Variants in MYRIP observed in about 807,000 individuals in gnomAD.
The protein encoded by MYRIP is myosin VIIA and Rab interacting protein, also known as rab effector MyRIP.
In MYRIP, 49 loss-of-function variants were observed where a neutral mutation model predicts 98.0. The observed-to-expected ratio is 0.50, with a 90% CI of 0.40 to 0.63. The LOEUF (loss-of-function observed/expected upper bound fraction) is 0.63, where lower values mean the gene tolerates loss of function less well. MYRIP is among the 30% of genes least tolerant of loss of function. The pLI, the probability that MYRIP is intolerant of heterozygous loss-of-function variation, is 0.00. For synonymous variants in MYRIP, 404 were observed against 409.5 expected (o/e 0.99, Z 0.16); for missense variants, 1,004 against 1,058.2 (o/e 0.95, Z 0.71).
At chr3:40,210,415 C>T (rs1951894954) in intron 11 of MYRIP, among the ~76,000 whole-genome samples, 1 of 152,126 alleles carries the variant, frequency 6.6e-6, no homozygotes, top group South Asian at 2.1e-4. Context: ...CCTGCTCCAC[C>T]CTCTCCCTGA....
At chr3:40,236,132 C>A (rs535900594) in intron 12 of MYRIP, among the ~76,000 whole-genome samples, 1 of 152,100 alleles carries the variant, frequency 6.6e-6, no homozygotes, top group Non-Finnish European at 1.5e-5. Context: ...TTTACTGTAC[C>A]GTTTCTATGT....
intron 3 of MYRIP, among the ~76,000 whole-genome samples, chr3:40,123,860 T>TG (rs1004818705): frequency 3.3e-5 from 5 of 152,200 alleles, no homozygotes; most frequent in Non-Finnish European, 5.9e-5. Context: ...CTGGCTCTTC[T>TG]GGCCAGTTCC....
At chr3:39,893,708 G>A (rs923615057) in intron 1 of MYRIP, among the ~76,000 whole-genome samples, 25 of 142,226 alleles carry the variant, frequency 1.8e-4, no homozygotes, top group Non-Finnish European at 3.2e-4. Context: ...ACACACACAC[G>A]CATGCACACA....
chr3:40,007,861 T>C (rs1478086511), intron 2 of MYRIP, among the ~76,000 whole-genome samples: 1 of 152,238 alleles, frequency 6.6e-6, no homozygotes, highest in Non-Finnish European at 1.5e-5. Context: ...AGTCCTTTGA[T>C]TGGATGAGGC....
chr3:40,189,750 G>A, intron 9 of MYRIP, 76 bp from the exon 10 acceptor site: 2 of 1,453,770 alleles, frequency 1.4e-6, no homozygotes, highest in Non-Finnish European at 1.8e-6. Flanking sequence ...TCTTGGGGAG[G>A]TAACAAGTGG....
intron 8 of MYRIP, among the ~76,000 whole-genome samples, chr3:40,178,058 C>T (rs576763595): frequency 2.0e-5 from 3 of 152,310 alleles, no homozygotes; most frequent in Admixed American, 6.5e-5. Flanking sequence ...GTCTCAGTTA[C>T]GTATACATAT....
intron 16 of MYRIP, among the ~76,000 whole-genome samples, chr3:40,254,000 T>C (rs1953483168): frequency 6.6e-6 from 1 of 152,190 alleles, no homozygotes; most frequent in Admixed American, 6.5e-5. Flanking sequence ...CATTAGCCAT[T>C]AATGCTGTGT....
intron 10 of MYRIP, among the ~76,000 whole-genome samples, chr3:40,193,202 A>AG (rs1951290712): frequency 6.6e-6 from 1 of 152,202 alleles, no homozygotes; most frequent in African/African-American, 2.4e-5. Context: ...TGGTGTATCA[A>AG]GGGGGGACTG....
At chr3:39,926,111 T>C (rs980800451) in intron 2 of MYRIP, among the ~76,000 whole-genome samples, 2 of 152,134 alleles carry the variant, frequency 1.3e-5, no homozygotes, top group African/African-American at 4.8e-5. Flanking sequence ...TTTATATGCT[T>C]GTTGGTTGCT....
intron 2 of MYRIP, among the ~76,000 whole-genome samples, chr3:40,019,835 A>T (rs1034984049): frequency 6.6e-6 from 1 of 151,984 alleles, no homozygotes; most frequent in Non-Finnish European, 1.5e-5. Context: ...AATGAGAGAT[A>T]CTCTACTTTG....
At chr3:39,987,204 G>A (rs1180752445) in intron 2 of MYRIP, among the ~76,000 whole-genome samples, 1 of 151,980 alleles carries the variant, frequency 6.6e-6, no homozygotes, top group East Asian at 1.9e-4. Context: ...TTCTCCCCCT[G>A]TGTCCATGTG....
chr3:40,246,511 G>C (rs934869154), intron 13 of MYRIP, among the ~76,000 whole-genome samples: 13 of 152,186 alleles, frequency 8.5e-5, no homozygotes, highest in Admixed American at 7.8e-4. Flanking sequence ...TGGGTGAGGG[G>C]ACAATTTCTA....
chr3:40,220,987 C>T (rs549360041), intron 11 of MYRIP, among the ~76,000 whole-genome samples: 1 of 135,952 alleles, frequency 7.4e-6, no homozygotes, highest in Non-Finnish European at 1.5e-5. Flanking sequence ...GACACAGACC[C>T]AAACCATATC....
At chr3:39,888,785 C>T (rs182232667) in intron 1 of MYRIP, among the ~76,000 whole-genome samples, 3 of 152,288 alleles carry the variant, frequency 2.0e-5, no homozygotes, top group Admixed American at 2.0e-4. Context: ...ACTCATCTGA[C>T]AAAGGGTAAT....
At chr3:40,217,000 T>C (rs144349476) in intron 11 of MYRIP, among the ~76,000 whole-genome samples, 1 of 152,314 alleles carries the variant, frequency 6.6e-6, no homozygotes, top group East Asian at 1.9e-4. Context: ...TACAGACAAA[T>C]ATTTGTAGTT....
chr3:39,946,432 C>T (rs1944904343), intron 2 of MYRIP, among the ~76,000 whole-genome samples: 1 of 152,066 alleles, frequency 6.6e-6, no homozygotes, highest in Non-Finnish European at 1.5e-5. Flanking sequence ...GGAAAATTAT[C>T]CAGATGGGCC....
intron 16 of MYRIP, among the ~76,000 whole-genome samples, chr3:40,254,510 G>A (rs1310719041): frequency 6.6e-6 from 1 of 152,028 alleles, no homozygotes; most frequent in East Asian, 1.9e-4. Context: ...GACTGCACCT[G>A]TAAAGATAAG....
In MYRIP at chr3:39,924,576, CAG is replaced by C. The variant is rs537480216; in HGVS notation, c.110+23651_110+23652del. ...CTCTCCCAACAACCGATAGAACAAA[CAG>C]GGAGATAATCAACAAGGATGTAGAA... On this transcript the variant is annotated intron_variant, in intron 2 of 16. Transcript: ENST00000302541. Among the ~76,000 whole-genome samples the C allele has an allele frequency of 2.6e-4, 39 of 152,078 alleles. 3 individuals are homozygous for C. The South Asian group carries it at 7.5e-3, about 29-fold the overall frequency.
chr3:39,992,171 C>T (rs936331832), intron 2 of MYRIP, among the ~76,000 whole-genome samples: 2 of 152,152 alleles, frequency 1.3e-5, no homozygotes, highest in Admixed American at 1.3e-4. Flanking sequence ...GTCATTAGAA[C>T]TCCTAATCTG....
Sources: gnomAD v4.1 joint callset for allele counts (sites outside exome capture counted in the v4.1 genomes callset) on GRCh38, gnomAD v4.1.1 for gene constraint, MANE v1.5 for transcripts, NCBI Gene and HGNC (gene_info 2026-07-23, HGNC 2026-07-21) for gene names.